The following LRP1B variants were observed in gnomAD, a reference collection of about 807,000 sequenced individuals.
LRP1B encodes low-density lipoprotein receptor-related protein 1B.
Under a neutral mutation model 556.6 loss-of-function variants are expected in LRP1B, and 217 were observed. The ratio of observed to expected loss-of-function variants is 0.39; its 90% CI spans 0.35 to 0.44. The LOEUF is 0.44. LRP1B is among the 20% of genes least tolerant of loss of function. The probability of loss-of-function intolerance (pLI) is 1.00; values close to 1 mark genes in which losing one functional copy is unlikely to be tolerated. For synonymous variants in LRP1B, 2,047 were observed against 1,865.8 expected (o/e 1.10, Z -2.50); for missense variants, 5,053 against 5,620.8 (o/e 0.90, Z 3.23).
intron 2 of LRP1B, among the ~76,000 whole-genome samples, chr2:141,703,783 A>G (rs1401430389): frequency 1.3e-5 from 2 of 151,906 alleles, no homozygotes; most frequent in Non-Finnish European, 2.9e-5. Flanking sequence ...GCAAAAACAG[A>G]AACTCTGGCA....
intron 2 of LRP1B, among the ~76,000 whole-genome samples, chr2:141,513,166 A>C (rs1040390236): frequency 2.0e-5 from 3 of 152,148 alleles, no homozygotes; most frequent in Non-Finnish European, 4.4e-5. Context: ...CTAGATAGCT[A>C]AGGTTCAGTA....
intron 15 of LRP1B, among the ~76,000 whole-genome samples, chr2:140,994,990 A>G (rs920259651): frequency 4.6e-5 from 7 of 151,980 alleles, no homozygotes; most frequent in Non-Finnish European, 7.4e-5. Context: ...TGCTGTATAC[A>G]ACTAAAACAC....
In LRP1B at chr2:140,541,868, T is replaced by C. The variant is rs1204739330; in HGVS notation, c.7298A>G (p.Lys2433Arg). The C allele has an allele frequency of 1.9e-6, 3 of 1,613,040 alleles. No individual in the cohort carries two copies. Among genetic ancestry groups the C allele is most frequent in the Non-Finnish European group, 2.5e-6 (3 of 1,179,256 alleles). ...WGRRAILRSN[K>R]YTGGDTKILR... ...AATTTTTGTATCTCCTCCTGTGTAC[T>C]TGTTGGACCGCAGTATAGCTCTTCT... The change falls in exon 44 of 91, where the codon AAG (lysine) becomes AGG (arginine). Residue 2433 changes from lysine (K) to arginine (R), a missense_variant. Around this residue, in one of 5 missense-constraint regions of LRP1B, gnomAD observed 3,619 missense variants for 3,931.9 expected, o/e 0.92. Coordinates refer to ENST00000389484, the MANE Select transcript of LRP1B (RefSeq NM_018557.3).
intron 2 of LRP1B, among the ~76,000 whole-genome samples, chr2:141,604,921 A>C (rs1687860466): frequency 6.6e-6 from 1 of 152,048 alleles, no homozygotes; most frequent in African/African-American, 2.4e-5. Context: ...CACGGGTACA[A>C]GCTATAACAC....
At chr2:142,033,516 G>A (rs1306586826) in intron 1 of LRP1B, among the ~76,000 whole-genome samples, 2 of 151,590 alleles carry the variant, frequency 1.3e-5, no homozygotes, top group Non-Finnish European at 3.0e-5. Flanking sequence ...CTTCCTCTTT[G>A]CTATCAAAGC....
chr2:140,356,491 T>C lies in LRP1B; in HGVS notation c.11396-15A>G. 2.5e-6 allele frequency: 4 copies of C among 1,571,522 alleles called. No homozygotes were observed. The highest frequency in any genetic ancestry group is 2.3e-5 in the East Asian group (1 of 44,126). On this transcript the variant is annotated splice_polypyrimidine_tract_variant and intron_variant, in intron 74 of 90. Transcript: ENST00000389484. ...TTCAGTAGGAGCTGGGATTTAAAAA[T>C]ATGATCAAAACTAATATAATTCTAA...
intron 1 of LRP1B, among the ~76,000 whole-genome samples, chr2:141,958,263 A>T (rs1227028385): frequency 2.0e-5 from 3 of 152,040 alleles, no homozygotes; most frequent in African/African-American, 7.2e-5. Context: ...TAGAAGAGGC[A>T]GCTGGGTGGC....
At chr2:141,039,769 T>C (rs913372887) in intron 11 of LRP1B, among the ~76,000 whole-genome samples, 1 of 152,096 alleles carries the variant, frequency 6.6e-6, no homozygotes, top group African/African-American at 2.4e-5. Context: ...TTCCATCTTT[T>C]CATCATTTGA....
chr2:140,967,066 C>G (rs1696249288), intron 18 of LRP1B, among the ~76,000 whole-genome samples: 2 of 152,100 alleles, frequency 1.3e-5, no homozygotes, highest in Admixed American at 1.3e-4. Context: ...GTAGTTTTTT[C>G]CAGTTCTATG....
rs530354330 is a variant in LRP1B at position 140,876,866 on chromosome 2, G to C, written c.4169+6951C>G. Among the ~76,000 whole-genome samples the C allele has an allele frequency of 5.9e-5, 9 of 152,172 alleles. No individual in the cohort carries two copies. In the South Asian group the frequency reaches 1.5e-3, roughly 25 times the overall value. ...AGGCCAAGTATAATAAAGCAAATCAGTCCTACGAGGATTTGTCTTTAGTGA... is the reference window on the plus strand; with the variant it reads ...AGGCCAAGTATAATAAAGCAAATCACTCCTACGAGGATTTGTCTTTAGTGA... On this transcript the variant is annotated intron_variant, in intron 25 of 90. Transcript: ENST00000389484.
chr2:140,703,519 T>C (rs16844560), intron 37 of LRP1B, among the ~76,000 whole-genome samples: 2,290 of 152,288 alleles, frequency 0.015, 49 homozygotes, highest in African/African-American at 0.05. Flanking sequence ...CTATCAGACA[T>C]CAGCAGTGAA....
At chr2:140,554,557 G>T (rs1296077273) in intron 43 of LRP1B, among the ~76,000 whole-genome samples, 1 of 151,908 alleles carries the variant, frequency 6.6e-6, no homozygotes, top group Non-Finnish European at 1.5e-5. Context: ...AGCTGCCCAA[G>T]GTAAAATGGC....
intron 33 of LRP1B, among the ~76,000 whole-genome samples, chr2:140,774,856 C>T (rs1212743622): frequency 2.0e-5 from 3 of 152,014 alleles, no homozygotes; most frequent in Non-Finnish European, 4.4e-5. Context: ...GTGGACATGA[C>T]CCCAAAAATT....
intron 3 of LRP1B, among the ~76,000 whole-genome samples, chr2:141,350,166 C>A (rs1451616291): frequency 6.6e-6 from 1 of 152,036 alleles, no homozygotes; most frequent in Admixed American, 6.6e-5. Flanking sequence ...GTGCCTCCCA[C>A]AACATGTGGG....
chr2:141,456,773 G>C (rs1681647414), intron 3 of LRP1B, among the ~76,000 whole-genome samples: 1 of 152,198 alleles, frequency 6.6e-6, no homozygotes, highest in Non-Finnish European at 1.5e-5. Context: ...AGTATTTCAA[G>C]TAGTGGGAAC....
chr2:140,379,405 C>A (rs539055606), intron 67 of LRP1B, among the ~76,000 whole-genome samples: 7 of 152,116 alleles, frequency 4.6e-5, no homozygotes, highest in Non-Finnish European at 1.0e-4. Context: ...TATAAAGAAA[C>A]CCTTTCAGGG....
intron 7 of LRP1B, among the ~76,000 whole-genome samples, chr2:141,081,932 T>C (rs1699932938): frequency 6.6e-6 from 1 of 152,132 alleles, no homozygotes; most frequent in African/African-American, 2.4e-5. Flanking sequence ...ACAAACGGAT[T>C]TTCCAAATAA....
rs1199983834 is a variant in LRP1B, at chr2:141,254,545, G to A, written c.440C>T (p.Thr147Ile). 6.2e-7 allele frequency: 1 copy of A among 1,611,892 alleles called. No individual in the cohort carries two copies. The highest frequency in any genetic ancestry group is 2.2e-5 in the East Asian group (1 of 44,718). Residue 147 changes from threonine to isoleucine, a missense_variant, in exon 4 of 91, where the codon ACA becomes ATA. Coordinates refer to ENST00000389484, the MANE Select transcript of LRP1B (RefSeq NM_018557.3). ...ACCTTTACAGCTTCTCCCATCTTCTGTTATTTCGAATCCATCCTCACAGTA... is the reference window on the plus strand; with the variant it reads ...ACCTTTACAGCTTCTCCCATCTTCTATTATTTCGAATCCATCCTCACAGTA... ...RCYCEDGFEI[T>I]EDGRSCKDQD...
chr2:140,896,009 G>T (rs1338210013), intron 23 of LRP1B, among the ~76,000 whole-genome samples: 1 of 152,084 alleles, frequency 6.6e-6, no homozygotes, highest in African/African-American at 2.4e-5. Context: ...GGGATGTAAA[G>T]TTCTCACTTT....
Sources: allele counts gnomAD v4.1 joint callset (sites outside exome capture counted in the v4.1 genomes callset), GRCh38; gene constraint gnomAD v4.1.1; regional missense constraint gnomAD v4.1.1; transcripts MANE v1.5; gene names NCBI Gene and HGNC (gene_info 2026-07-23, HGNC 2026-07-21).